The following ZNF2 variants were observed in gnomAD, a reference collection of about 807,000 sequenced individuals.
The protein encoded by ZNF2 is zinc finger protein 2.
Under a neutral mutation model 21.9 loss-of-function variants are expected in ZNF2, and 12 were observed. The ratio of observed to expected loss-of-function variants is 0.55; its 90% CI spans 0.35 to 0.89. ZNF2 has a LOEUF of 0.89. Among genes scored for constraint, ZNF2 ranks in the 40% least tolerant of loss-of-function variants. ZNF2 has a pLI of 0.01. For synonymous variants in ZNF2, 186 were observed against 196.3 expected (o/e 0.95, Z 0.44); for missense variants, 462 against 544.2 (o/e 0.85, Z 1.50).
Position 95,179,001 on chromosome 2 carries a change from T to G in ZNF2, c.161-1158T>G, listed in dbSNP as rs1250885930. On this transcript the variant is annotated intron_variant, in intron 3 of 4. Coordinates refer to ENST00000614034, the MANE Select transcript of ZNF2 (RefSeq NM_021088.4). ...CAGGTTTGGTTTTTTTTGTTTTTTTTTTTTTTTTGAGACAGAGTCTCACTC... is the reference window on the plus strand; with the variant it reads ...CAGGTTTGGTTTTTTTTGTTTTTTTGTTTTTTTTGAGACAGAGTCTCACTC... Among the ~76,000 whole-genome samples, 15 of 151,172 alleles carry G rather than the reference T, an allele frequency of 9.9e-5. No individual in the cohort carries two copies. The East Asian group carries it at 1.9e-3, about 19-fold the overall frequency.
In ZNF2 at chr2:95,176,243, C is replaced by T. The variant is rs1398979943; in HGVS notation, c.17C>T (p.Pro6Leu). The change falls in exon 2 of 5, where the codon CCG (proline) becomes CTG (leucine). Residue 6 changes from proline (P) to leucine (L), a missense_variant. By Grantham distance (98) the Pro-to-Leu change is moderately conservative. Transcript: ENST00000614034. ...CAGGAGAGAATGGCTGCTGTGTCTC[C>T]GACCACCAGATGCCAGGTGAGGTGG... The part of the protein sequence containing the change: MAAVS[P>L]TTRCQESVTF... 5.0e-6 allele frequency: 8 copies of T among 1,614,064 alleles called. No individual in the cohort carries two copies. The highest frequency in any genetic ancestry group is 1.7e-5 in the Admixed American group (1 of 60,008).
chr2:95,168,236 C>A (rs1234703161), intron 1 of ZNF2, among the ~76,000 whole-genome samples: 2 of 151,946 alleles, frequency 1.3e-5, no homozygotes, highest in African/African-American at 4.8e-5. Context: ...ACCATCCTGG[C>A]CAAAATGGTG....
At position 95,181,150 on chromosome 2, in the gene ZNF2, G is replaced by A; in HGVS notation, c.322G>A (p.Glu108Lys). The change falls in exon 5 of 5, where the codon GAA becomes AAA. Residue 108 changes from glutamate (E) to lysine (K), a missense_variant. By Grantham distance (56) the Glu-to-Lys change is moderately conservative. Transcript: ENST00000614034. The stretch of plus-strand genomic sequence containing the variant: ...TCACGATGCTTCAGACAAAAAATCA[G>A]AAGGATCATTGAGGGAATGCCTTGG... ...EIHDASDKKS[E>K]GSLRECLGRQ... 1.2e-6 allele frequency: 2 copies of A among 1,614,180 alleles called. No homozygotes were observed. Among genetic ancestry groups the A allele is most frequent in the Non-Finnish European group, 1.7e-6 (2 of 1,180,028 alleles).
At position 95,177,538 on chromosome 2, in the gene ZNF2, G is replaced by A. The variant is rs376820359; in HGVS notation, c.89G>A (p.Arg30His). 16 of 1,613,980 alleles carry A rather than the reference G, an allele frequency of 9.9e-6. No individual in the cohort carries two copies. Among genetic ancestry groups the A allele is most frequent in the South Asian group, 4.4e-5 (4 of 91,088 alleles). ...AVVFTDEEWS[R>H]LVPIQRDLYK... Reference sequence around the variant, plus strand: ...GTTTTCACAGATGAAGAGTGGAGTCGTCTGGTCCCCATACAGAGGGACCTC... The same window carrying A: ...GTTTTCACAGATGAAGAGTGGAGTCATCTGGTCCCCATACAGAGGGACCTC... Residue 30 changes from arginine (R) to histidine (H), a missense_variant, in exon 3 of 5, where the codon CGT becomes CAT. Coordinates refer to ENST00000614034, the MANE Select transcript of ZNF2 (RefSeq NM_021088.4).
intron 3 of ZNF2, among the ~76,000 whole-genome samples, chr2:95,178,152 TAG>T (rs1001530780): frequency 6.6e-6 from 1 of 152,192 alleles, no homozygotes; most frequent in East Asian, 1.9e-4. Context: ...TTTGTAATTA[TAG>T]AGACTTGTGT....
At chr2:95,180,511 CTT>C (rs1165637913) in intron 4 of ZNF2, among the ~76,000 whole-genome samples, 44 of 139,252 alleles carry the variant, frequency 3.2e-4, no homozygotes, top group African/African-American at 5.8e-4. Flanking sequence ...TTTGCTATTT[CTT>C]TTTTTTTTTT....
chr2:95,177,903 C>T (rs1360541173), intron 3 of ZNF2, among the ~76,000 whole-genome samples: 1 of 152,148 alleles, frequency 6.6e-6, no homozygotes, highest in African/African-American at 2.4e-5. Context: ...AGGGACAGAG[C>T]GGAATGTGTG....
intron 4 of ZNF2, 74 bp downstream of exon 4, chr2:95,180,346 G>C: frequency 1.1e-6 from 1 of 929,860 alleles, no homozygotes; most frequent in Non-Finnish European, 1.7e-6. Flanking sequence ...GGAAATAACA[G>C]GTATCATCTT....
At chr2:95,172,711 A>T (rs1352873643) in intron 1 of ZNF2, among the ~76,000 whole-genome samples, 1 of 148,998 alleles carries the variant, frequency 6.7e-6, no homozygotes, top group East Asian at 2.0e-4. Flanking sequence ...AGCTCAGCTC[A>T]CTGCAACCTC....
chr2:95,182,034 T>C lies in ZNF2; in HGVS notation c.1206T>C (p.Cys402=). The C allele has an allele frequency of 1.2e-6, 2 of 1,613,918 alleles. No individual in the cohort carries two copies. Among genetic ancestry groups the C allele is most frequent in the Non-Finnish European group, 8.5e-7 (1 of 1,179,774 alleles). Residue 402 remains cysteine (C), a synonymous_variant, in exon 5 of 5, where the codon TGT becomes TGC. Coordinates refer to ENST00000614034, the MANE Select transcript of ZNF2 (RefSeq NM_021088.4). The part of the protein sequence containing the change: ...TGEKPFECTV[C]GKVFSSKSSV... ...AGAAGCCCTTTGAATGCACTGTGTG[T>C]GGGAAAGTTTTCAGTTCAAAATCTT...
rs150566317 is a variant in ZNF2, at chr2:95,173,998, C to T, written c.-39-2190C>T. 6.1e-3 allele frequency among the ~76,000 whole-genome samples: 934 copies of T among 152,280 alleles called. 10 individuals carry two copies. Among genetic ancestry groups the T allele is most frequent in the African/African-American group, 0.021 (875 of 41,564 alleles). ...TGCTGGGATTACAGGCGTGAGCCAC[C>T]GTGCCAGGCCAAGATGATGTTTAAT... is the stretch of plus-strand genomic sequence containing the variant. On this transcript the variant is annotated intron_variant, in intron 1 of 4. Coordinates refer to ENST00000614034, the MANE Select transcript of ZNF2 (RefSeq NM_021088.4).
intron 1 of ZNF2, among the ~76,000 whole-genome samples, chr2:95,173,011 A>G (rs1424898592): frequency 6.6e-6 from 1 of 151,762 alleles, no homozygotes; most frequent in Non-Finnish European, 1.5e-5. Flanking sequence ...ATAAAGCTGA[A>G]GTATCCTGGG....
rs1349421290 is a variant in ZNF2, at chr2:95,183,474, C to T, written c.*1368C>T. The T allele has an allele frequency of 6.6e-6, 1 of 152,194 alleles. No homozygotes were observed. The highest frequency in any genetic ancestry group is 1.5e-5 in the Non-Finnish European group (1 of 68,058). 9.4% of individuals were successfully genotyped at this position (152,194 alleles called of 1,614,324 possible). ...GCAAATGACCCCTTCCTGCCCATCACTGCCTTCCTCAAGACCTAAAATAGC... is the reference window on the plus strand; with the variant it reads ...GCAAATGACCCCTTCCTGCCCATCATTGCCTTCCTCAAGACCTAAAATAGC... On this transcript the variant is annotated 3_prime_UTR_variant, in exon 5 of 5. Transcript: ENST00000614034.
At chr2:95,169,640 C>G (rs1202406236) in intron 1 of ZNF2, among the ~76,000 whole-genome samples, 1 of 152,126 alleles carries the variant, frequency 6.6e-6, no homozygotes, top group Non-Finnish European at 1.5e-5. Context: ...ATCCCAGCTA[C>G]TCAGGAGGCT....
intron 1 of ZNF2, among the ~76,000 whole-genome samples, chr2:95,171,627 C>T (rs1265943419): frequency 2.0e-5 from 3 of 152,164 alleles, no homozygotes; most frequent in Non-Finnish European, 4.4e-5. Flanking sequence ...GTGATCCACC[C>T]GCCTCGGCCT....
chr2:95,180,583 C>G (rs1394573682), intron 4 of ZNF2, among the ~76,000 whole-genome samples: 1 of 151,272 alleles, frequency 6.6e-6, no homozygotes, highest in African/African-American at 2.4e-5. Context: ...TATCTCAGCT[C>G]ACTGTAACCT....
chr2:95,181,223 G>T lies in ZNF2; in HGVS notation c.395G>T (p.Gly132Val), dbSNP rs1205686428. The T allele has an allele frequency of 6.2e-7, 1 of 1,614,178 alleles. No homozygotes were observed. Among genetic ancestry groups the T allele is most frequent in the Non-Finnish European group, 8.5e-7 (1 of 1,180,030 alleles). ...CPKFEVHTPNGRMGTEKQSPS... is the reference protein window; with the variant it reads ...CPKFEVHTPNVRMGTEKQSPS... Reference sequence around the variant, plus strand: ...AAATTTGAAGTTCATACACCCAATGGCAGGATGGGAACAGAAAAGCAAAGC... The same window carrying T: ...AAATTTGAAGTTCATACACCCAATGTCAGGATGGGAACAGAAAAGCAAAGC... The change falls in exon 5 of 5, where the codon GGC becomes GTC. Residue 132 changes from glycine (G) to valine (V), a missense_variant. Gly to Val is a moderately radical substitution (Grantham distance 109). Coordinates refer to ENST00000614034, the MANE Select transcript of ZNF2 (RefSeq NM_021088.4).
rs1674752804 is a variant in ZNF2, at chr2:95,183,549, G to A, written c.*1443G>A. ...GAATATTTAAGGTCTGCCTTAACGT[G>A]ATCCCCATTGCTGAATTTTACCTCC... On this transcript the variant is annotated 3_prime_UTR_variant, in exon 5 of 5. Coordinates refer to ENST00000614034, the MANE Select transcript of ZNF2 (RefSeq NM_021088.4). The A allele has an allele frequency of 6.6e-6, 1 of 150,714 alleles. No homozygotes were observed. The highest frequency in any genetic ancestry group is 2.4e-5 in the African/African-American group (1 of 40,822). 9.3% of individuals were successfully genotyped at this position (150,714 alleles called of 1,614,324 possible).
At chr2:95,180,571 G>A (rs1487898354) in intron 4 of ZNF2, among the ~76,000 whole-genome samples, 14 of 150,090 alleles carry the variant, frequency 9.3e-5, no homozygotes, top group African/African-American at 2.2e-4. Context: ...GTGCAATGGC[G>A]CTATCTCAGC....
Sources: allele counts gnomAD v4.1 joint callset (sites outside exome capture counted in the v4.1 genomes callset), GRCh38; gene constraint gnomAD v4.1.1; transcripts MANE v1.5; gene names NCBI Gene and HGNC (gene_info 2026-07-23, HGNC 2026-07-21).